Variants in TEAD1 observed in about 807,000 individuals in gnomAD.
TEAD1 encodes the protein TEA domain transcription factor 1, also known as transcriptional enhancer factor TEF-1.
Under a neutral mutation model 54.9 loss-of-function variants are expected in TEAD1, and 9 were observed. The observed-to-expected ratio is 0.16, with a 90% CI of 0.10 to 0.29. TEAD1 has a LOEUF of 0.29. TEAD1 is among the 10% of genes least tolerant of loss of function. TEAD1 has a pLI of 1.00. For synonymous variants in TEAD1, 200 were observed against 187.8 expected, an observed-to-expected ratio of 1.07 and a Z score of -0.53; for missense variants, 387 against 535.9, an observed-to-expected ratio of 0.72 and a Z score of 2.74.
intron 2 of TEAD1, among the ~76,000 whole-genome samples, chr11:12,696,786 T>C (rs551846243): frequency 2.0e-5 from 3 of 152,074 alleles, no homozygotes; most frequent in Non-Finnish European, 4.4e-5. Flanking sequence ...TTTGGTTACA[T>C]GTGCCTTCTG....
intron 3 of TEAD1, among the ~76,000 whole-genome samples, chr11:12,859,624 G>A (rs371559057): frequency 6.6e-6 from 1 of 152,224 alleles, no homozygotes. Context: ...AAGTTTGAAA[G>A]AGAATGCTTA....
At chr11:12,712,507 T>G (rs1227411001) in intron 2 of TEAD1, among the ~76,000 whole-genome samples, 3 of 152,214 alleles carry the variant, frequency 2.0e-5, no homozygotes, top group African/African-American at 7.2e-5. Context: ...CCTCAGTTGG[T>G]AAAATGGAAA....
chr11:12,739,533 T>C (rs939832784), intron 2 of TEAD1, among the ~76,000 whole-genome samples: 4 of 152,170 alleles, frequency 2.6e-5, no homozygotes, highest in Admixed American at 1.3e-4. Flanking sequence ...AATCCTACTG[T>C]ATTTGTCCTT....
Position 12,674,475 on chromosome 11 carries a change from G to C in TEAD1, c.-567G>C, listed in dbSNP as rs1399351116. 1.3e-5 allele frequency: 2 copies of C among 151,472 alleles called. No homozygotes were observed. Among genetic ancestry groups the C allele is most frequent in the East Asian group, 2.0e-4 (1 of 5,064 alleles). 9.4% of individuals were successfully genotyped at this position (151,472 alleles called of 1,614,324 possible). A position where few individuals can be genotyped will look rare whatever the true frequency, so the allele number is the denominator to read the frequency against. On this transcript the variant is annotated 5_prime_UTR_variant, in exon 1 of 13. Coordinates refer to ENST00000527636, the MANE Select transcript of TEAD1 (RefSeq NM_021961.6). ...CGCGCCGCGCCGCCTGAGCCGAGCCGAGCCTCTGCTGCCGCCGCCGCGGCC... is the reference window on the plus strand; with the variant it reads ...CGCGCCGCGCCGCCTGAGCCGAGCCCAGCCTCTGCTGCCGCCGCCGCGGCC...
intron 1 of TEAD1, among the ~76,000 whole-genome samples, chr11:12,675,052 C>A (rs1021157141): frequency 6.8e-6 from 1 of 146,548 alleles, no homozygotes; most frequent in African/African-American, 2.5e-5. Context: ...CTTGCCAGGA[C>A]GCCAAGTTGG....
rs796918350 is a variant in TEAD1 at position 12,760,043 on chromosome 11, A to AT, written c.-54-4132dup. 4.7e-4 allele frequency among the ~76,000 whole-genome samples: 71 copies of AT among 152,310 alleles called. 2 individuals are homozygous for AT. Among genetic ancestry groups the AT allele is most frequent in the African/African-American group, 1.6e-3 (68 of 41,556 alleles). On this transcript the variant is annotated intron_variant, in intron 2 of 12. Coordinates refer to ENST00000527636, the MANE Select transcript of TEAD1 (RefSeq NM_021961.6). ...AATAAAGGTGTTGTCACCAATTTAC[A>AT]TTTTCTATGCAGTCATTTGAAGACC... is the stretch of plus-strand genomic sequence containing the variant.
intron 3 of TEAD1, among the ~76,000 whole-genome samples, chr11:12,844,338 C>T (rs1947097361): frequency 6.6e-6 from 1 of 152,100 alleles, no homozygotes; most frequent in South Asian, 2.1e-4. Flanking sequence ...ATCACCTTTT[C>T]CTCATAGTTT....
At chr11:12,840,246 CAAAAAAAAAAAAAAAAGAAAAAAA>C (rs1200272733) in intron 3 of TEAD1, among the ~76,000 whole-genome samples, 1 of 31,588 alleles carries the variant, frequency 3.2e-5, no homozygotes, top group East Asian at 9.1e-4. Context: ...GACTCTGCCT[CAAAAAAAAAAAAAAAAGAAAAAAA>C]AAAGACCAGA....
At chr11:12,769,204 C>A (rs1326899164) in intron 3 of TEAD1, among the ~76,000 whole-genome samples, 1 of 152,188 alleles carries the variant, frequency 6.6e-6, no homozygotes, top group Non-Finnish European at 1.5e-5. Flanking sequence ...GCCCCAGAGA[C>A]CTGAATTGTG....
intron 3 of TEAD1, among the ~76,000 whole-genome samples, chr11:12,788,353 A>T (rs1384755663): frequency 1.3e-5 from 2 of 151,872 alleles, no homozygotes; most frequent in Non-Finnish European, 2.9e-5. Context: ...GCTGGTCTTG[A>T]ACTCCTGACC....
intron 3 of TEAD1, among the ~76,000 whole-genome samples, chr11:12,764,726 C>A (rs1370601350): frequency 6.6e-6 from 1 of 151,604 alleles, no homozygotes; most frequent in Non-Finnish European, 1.5e-5. Flanking sequence ...GTGGCATGTA[C>A]AGACACCAGA....
chr11:12,782,971 G>A (rs1352512724), intron 3 of TEAD1, among the ~76,000 whole-genome samples: 1 of 152,102 alleles, frequency 6.6e-6, no homozygotes, highest in African/African-American at 2.4e-5. Flanking sequence ...CCCTTAAAAT[G>A]TGGTTGAACT....
At chr11:12,752,174 CTAAGG>C (rs1206711988) in intron 2 of TEAD1, among the ~76,000 whole-genome samples, 1 of 144,354 alleles carries the variant, frequency 6.9e-6, no homozygotes, top group African/African-American at 2.6e-5. Flanking sequence ...TAATCTTTCT[CTAAGG>C]TAACTGGAAT....
In TEAD1 at chr11:12,879,829, CA is replaced by C. The variant is rs1203656515; in HGVS notation, c.453del (p.Ala153ArgfsTer8). ...CCTGGGATTCCACGCCCGACCTTCC[CA>C]GGGGCGCCGGGGGTAAGTCATGAGC... is the stretch of plus-strand genomic sequence containing the variant. On this transcript the variant is annotated frameshift_variant, in exon 6 of 13. Coordinates refer to ENST00000527636, the MANE Select transcript of TEAD1 (RefSeq NM_021961.6). LOFTEE classifies it high-confidence loss of function. The C allele has an allele frequency of 6.2e-7, 1 of 1,613,502 alleles. No individual in the cohort carries two copies. The highest frequency in any genetic ancestry group is 8.5e-7 in the Non-Finnish European group (1 of 1,180,046).
intron 2 of TEAD1, among the ~76,000 whole-genome samples, chr11:12,743,555 T>C (rs1276894879): frequency 6.6e-6 from 1 of 152,224 alleles, no homozygotes; most frequent in Non-Finnish European, 1.5e-5. Flanking sequence ...CTATGCTTTG[T>C]AGAGAATAAC....
At chr11:12,848,527 A>C (rs1258863831) in intron 3 of TEAD1, among the ~76,000 whole-genome samples, 2 of 152,238 alleles carry the variant, frequency 1.3e-5, no homozygotes, top group East Asian at 3.8e-4. Flanking sequence ...TCCCGACTCC[A>C]CTGCTTAATT....
rs562293830 is a variant in TEAD1 at position 12,847,125 on chromosome 11, A to T, written c.203-15125A>T. On this transcript the variant is annotated intron_variant, in intron 3 of 12. Transcript: ENST00000527636. ...CCCCTCCCTTTCTGCCTGCCCATTC[A>T]AAGAAGACAGTCACTGCGTCCCATG... 2.0e-5 allele frequency among the ~76,000 whole-genome samples: 3 copies of T among 152,238 alleles called. No individual in the cohort carries two copies. In the South Asian group the frequency reaches 6.2e-4, roughly 32 times the overall value.
chr11:12,864,628 T>G, intron 4 of TEAD1: 10 of 1,091,332 alleles, frequency 9.2e-6, no homozygotes, highest in East Asian at 3.4e-5. Flanking sequence ...TTTTGTTTTG[T>G]TTTGTTTTGT....
At chr11:12,876,522 G>C (rs926166209) in intron 5 of TEAD1, among the ~76,000 whole-genome samples, 1 of 152,106 alleles carries the variant, frequency 6.6e-6, no homozygotes, top group African/African-American at 2.4e-5. Context: ...TGTTCTTCTG[G>C]AATGGAGCCA....
Sources: allele counts gnomAD v4.1 joint callset (sites outside exome capture counted in the v4.1 genomes callset), GRCh38; gene constraint gnomAD v4.1.1; transcripts MANE v1.5; gene names NCBI Gene and HGNC (gene_info 2026-07-23, HGNC 2026-07-21).